Variants in EFTUD2 observed in about 807,000 individuals in gnomAD.
EFTUD2 encodes 116 kDa U5 small nuclear ribonucleoprotein component.
A neutral mutation model predicts 114.3 loss-of-function variants in EFTUD2; 9 were observed. That is an observed-to-expected ratio of 0.08 (90% confidence interval 0.05 to 0.14). The LOEUF (loss-of-function observed/expected upper bound fraction) is 0.14, where lower values mean the gene tolerates loss of function less well. EFTUD2 is among the 10% of genes least tolerant of loss of function. The pLI is 1.00. For missense variants in EFTUD2, 765 were observed against 1,241.2 expected (o/e 0.62, Z 5.76); for synonymous variants, 449 against 462.3 (o/e 0.97, Z 0.37).
chr17:44,890,018 T>G (rs2051250005), intron 2 of EFTUD2, among the ~76,000 whole-genome samples: 1 of 152,176 alleles, frequency 6.6e-6, no homozygotes, highest in Non-Finnish European at 1.5e-5. Context: ...ATTTTTTTAT[T>G]TTTTTGAGAT....
intron 2 of EFTUD2, among the ~76,000 whole-genome samples, chr17:44,889,893 T>C (rs2051247214): frequency 6.6e-6 from 1 of 152,254 alleles, no homozygotes; most frequent in South Asian, 2.1e-4. Context: ...CAGGATTTTA[T>C]ATAATAATTT....
rs1407395198 is a variant in EFTUD2, at chr17:44,883,122, G to C, written c.463C>G (p.Pro155Ala). ...FVDCLIEQTH[P>A]EIRKRYDQDL... Reference sequence around the variant, plus strand: ...TGGTCATAGCGCTTTCTGATTTCCGGGTGAGTCTGTTCAATTAAACAATCC... The same window carrying C: ...TGGTCATAGCGCTTTCTGATTTCCGCGTGAGTCTGTTCAATTAAACAATCC... Residue 155 changes from proline (P) to alanine (A), a missense_variant, in exon 6 of 28, where the codon CCG becomes GCG. By Grantham distance (27) the Pro-to-Ala change is conservative. Around this residue, in one of 6 missense-constraint regions of EFTUD2, gnomAD observed 251 missense variants for 357.7 expected, o/e 0.70. Coordinates refer to ENST00000426333, the MANE Select transcript of EFTUD2 (RefSeq NM_004247.4). The C allele has an allele frequency of 1.9e-6, 3 of 1,613,928 alleles. No individual in the cohort carries two copies. In the African/African-American group the frequency reaches 4.0e-5, roughly 22 times the overall value.
chr17:44,867,586 C>T (rs959544723), intron 13 of EFTUD2, among the ~76,000 whole-genome samples: 7 of 152,110 alleles, frequency 4.6e-5, no homozygotes, highest in Admixed American at 3.9e-4. Context: ...AGGCATGAGC[C>T]ACCATGCCCG....
At position 44,850,101 on chromosome 17, in the gene EFTUD2, T is replaced by C; in HGVS notation, c.*1173A>G. The stretch of plus-strand genomic sequence containing the variant: ...CCTACCTTGCAGGCTGCTGTGAGGT[T>C]TCTCAGATACACAATACATGTGAAA... On this transcript the variant is annotated 3_prime_UTR_variant, in exon 28 of 28. Coordinates refer to ENST00000426333, the MANE Select transcript of EFTUD2 (RefSeq NM_004247.4). The C allele has an allele frequency of 2.2e-6, 1 of 445,270 alleles. No individual in the cohort carries two copies. The highest frequency in any genetic ancestry group is 4.0e-5 in the South Asian group (1 of 25,228). The allele number at this position is 445,270 out of a possible 1,614,324, so 27.6% of individuals were successfully genotyped here. A position where few individuals can be genotyped will look rare whatever the true frequency, so the allele number is the denominator to read the frequency against.
chr17:44,872,738 G>T, intron 10 of EFTUD2, 168 bp from the exon 11 acceptor site: 1 of 668,430 alleles, frequency 1.5e-6, no homozygotes, highest in Non-Finnish European at 2.3e-6. Context: ...TGACATGATG[G>T]AGCTGTTCCC....
chr17:44,851,887 C>A (rs2050459351), intron 26 of EFTUD2, 70 bp from the exon 27 acceptor site: 4 of 1,292,492 alleles, frequency 3.1e-6, no homozygotes, highest in Non-Finnish European at 4.2e-6. Flanking sequence ...AAGCAGGACT[C>A]TTCTTATTTA....
intron 20 of EFTUD2, among the ~76,000 whole-genome samples, chr17:44,855,675 G>C (rs1425257735): frequency 6.6e-6 from 1 of 152,138 alleles, no homozygotes; most frequent in Non-Finnish European, 1.5e-5. Flanking sequence ...AGCCAGCCGG[G>C]TGCGATGGCT....
At chr17:44,869,574 C>T (rs928291060) in intron 11 of EFTUD2, among the ~76,000 whole-genome samples, 7 of 152,172 alleles carry the variant, frequency 4.6e-5, no homozygotes, top group African/African-American at 1.7e-4. Context: ...GCTCGGATTA[C>T]AGGCATGAGC....
In EFTUD2 at chr17:44,850,227, G is replaced by C. The variant is rs2050416589; in HGVS notation, c.*1047C>G. The stretch of plus-strand genomic sequence containing the variant: ...GGGCAGAAAGATGAGCGGGAAGCTG[G>C]ACTCTCAAGGGAGCAGCTAGAGGTG... On this transcript the variant is annotated 3_prime_UTR_variant, in exon 28 of 28. Transcript: ENST00000426333. The C allele has an allele frequency of 2.6e-6, 2 of 779,128 alleles. No homozygotes were observed. Among genetic ancestry groups the C allele is most frequent in the Non-Finnish European group, 4.2e-6 (2 of 478,318 alleles). The allele number at this position is 779,128 out of a possible 1,614,324, so 48.3% of individuals were successfully genotyped here.
intron 13 of EFTUD2, 55 bp downstream of exon 13, chr17:44,867,751 TC>T: frequency 7.2e-7 from 1 of 1,379,962 alleles, no homozygotes. Flanking sequence ...GTTCACCAGC[TC>T]TTCCACACTG....
At chr17:44,881,209 GA>G (rs1211051685) in intron 7 of EFTUD2, among the ~76,000 whole-genome samples, 1 of 152,194 alleles carries the variant, frequency 6.6e-6, no homozygotes, top group African/African-American at 2.4e-5. Context: ...GAGGGAAACA[GA>G]AGGGGTCAGA....
At chr17:44,871,834 C>T (rs9915732) in intron 11 of EFTUD2, among the ~76,000 whole-genome samples, 39,873 of 152,070 alleles carry the variant, frequency 0.26, 5,297 homozygotes, top group Non-Finnish European at 0.28. Context: ...TAAGGAACTG[C>T]AACATTGAAC....
rs1397771538 is a variant in EFTUD2, at chr17:44,859,199, G to A, written c.1861-18C>T. The A allele has an allele frequency of 2.5e-6, 4 of 1,572,210 alleles. No individual in the cohort carries two copies. Among genetic ancestry groups the A allele is most frequent in the Non-Finnish European group, 3.5e-6 (4 of 1,141,662 alleles). ...TCCTCCACCTGAAACACAACAGGCA[G>A]TCACAGCCTGGATTCTCTTATGCCA... On this transcript the variant is annotated intron_variant, in intron 18 of 27. Coordinates refer to ENST00000426333, the MANE Select transcript of EFTUD2 (RefSeq NM_004247.4).
At position 44,850,271 on chromosome 17, in the gene EFTUD2, G is replaced by C. The variant is rs2050418320; in HGVS notation, c.*1003C>G. 1 of 1,411,148 alleles carries C rather than the reference G, an allele frequency of 7.1e-7. No individual in the cohort carries two copies. The highest frequency in any genetic ancestry group is 9.9e-7 in the Non-Finnish European group (1 of 1,013,388). The allele number at this position is 1,411,148 out of a possible 1,614,324, so 87.4% of individuals were successfully genotyped here. ...AGAGGTGAACCCCTAGGACGCCTGA[G>C]AGCCAGAGGACGGGTGAAGGGTTTG... On this transcript the variant is annotated 3_prime_UTR_variant, in exon 28 of 28. Coordinates refer to ENST00000426333, the MANE Select transcript of EFTUD2 (RefSeq NM_004247.4).
rs746429473 is a variant in EFTUD2, at chr17:44,860,473, C to T, written c.1678G>A (p.Val560Met). ...VLIEGVDQPI[V>M]KTATITEPRG... Reference sequence around the variant, plus strand: ...GGTTCGGTTATGGTTGCTGTCTTCACAATTGGTTGATCAACACCTTCAATC... The same window carrying T: ...GGTTCGGTTATGGTTGCTGTCTTCATAATTGGTTGATCAACACCTTCAATC... Residue 560 changes from valine (V) to methionine (M), a missense_variant, in exon 17 of 28, where the codon GTG (valine) becomes ATG (methionine). Around this residue, in one of 6 missense-constraint regions of EFTUD2, gnomAD observed 149 missense variants for 245.1 expected, o/e 0.61. Coordinates refer to ENST00000426333, the MANE Select transcript of EFTUD2 (RefSeq NM_004247.4). 4 of 1,613,922 alleles carry T rather than the reference C, an allele frequency of 2.5e-6. No individual in the cohort carries two copies. Among genetic ancestry groups the T allele is most frequent in the Non-Finnish European group, 2.5e-6 (3 of 1,179,988 alleles).
intron 7 of EFTUD2, 67 bp downstream of exon 7, chr17:44,881,620 T>G (rs1321105091): frequency 3.2e-6 from 5 of 1,556,670 alleles, no homozygotes; most frequent in Non-Finnish European, 4.4e-6. Context: ...CTCCTCTACA[T>G]TCCCTACAAA....
At chr17:44,871,629 G>A (rs947666629) in intron 11 of EFTUD2, among the ~76,000 whole-genome samples, 6 of 152,120 alleles carry the variant, frequency 3.9e-5, no homozygotes, top group Non-Finnish European at 5.9e-5. Flanking sequence ...GTGAGCCACC[G>A]CGCCTGGCCA....
In EFTUD2 at chr17:44,859,122, C is replaced by T. The variant is rs770443208; in HGVS notation, c.1920G>A (p.Val640=). 1.1e-5 allele frequency: 18 copies of T among 1,613,930 alleles called. No individual in the cohort carries two copies. Among genetic ancestry groups the T allele is most frequent in the Admixed American group, 1.0e-4 (6 of 59,992 alleles). Residue 640 remains valine, a synonymous_variant, in exon 19 of 28, where the codon GTG becomes GTA. Coordinates refer to ENST00000426333, the MANE Select transcript of EFTUD2 (RefSeq NM_004247.4). ...AGTACATCTTCCGCAAATCATGCAT[C>T]ACACAGTCCAGGTAGAGCTCCCCAG... ...LGTGELYLDC[V]MHDLRKMYSE... is the part of the protein sequence containing the mutation.
intron 16 of EFTUD2, among the ~76,000 whole-genome samples, chr17:44,860,762 A>G (rs2050642339): frequency 1.3e-5 from 2 of 151,752 alleles, no homozygotes; most frequent in Non-Finnish European, 2.9e-5. Flanking sequence ...AACATGCCCA[A>G]CTAATTTTTG....
Sources: allele counts gnomAD v4.1 joint callset (sites outside exome capture counted in the v4.1 genomes callset), GRCh38; gene constraint gnomAD v4.1.1; regional missense constraint gnomAD v4.1.1; transcripts MANE v1.5; gene names NCBI Gene and HGNC (gene_info 2026-07-23, HGNC 2026-07-21).